Variants in EBF2 observed in about 807,000 individuals in gnomAD.
EBF2 encodes the protein EBF transcription factor 2.
In EBF2, 21 loss-of-function variants were observed where a neutral mutation model predicts 72.8. That is an observed-to-expected ratio of 0.29 (90% CI 0.20 to 0.42). The LOEUF (loss-of-function observed/expected upper bound fraction) is 0.42, where lower values mean the gene tolerates loss of function less well. Among genes scored for constraint, EBF2 ranks in the 10% least tolerant of loss-of-function variants. EBF2 has a pLI of 1.00. For synonymous variants in EBF2, 299 were observed against 274.2 expected (o/e 1.09, Z -0.89); for missense variants, 637 against 731.2 (o/e 0.87, Z 1.49).
At chr8:25,879,714 C>T (rs1357433286) in intron 10 of EBF2, among the ~76,000 whole-genome samples, 1 of 152,184 alleles carries the variant, frequency 6.6e-6, no homozygotes, top group South Asian at 2.1e-4. Flanking sequence ...TTTAATCCTG[C>T]ATGCTGGTGT....
intron 6 of EBF2, among the ~76,000 whole-genome samples, chr8:25,973,106 C>T (rs1194212434): frequency 6.6e-6 from 1 of 151,998 alleles, no homozygotes; most frequent in Non-Finnish European, 1.5e-5. Context: ...CCTGCAGTTT[C>T]CAGGGTATGG....
intron 6 of EBF2, among the ~76,000 whole-genome samples, chr8:26,016,994 G>A (rs1022282735): frequency 1.3e-5 from 2 of 152,070 alleles, no homozygotes; most frequent in Admixed American, 6.6e-5. Context: ...GAGAGAACCA[G>A]ATGTCTAGAA....
In EBF2 at chr8:25,861,179, G is replaced by A. The variant is rs372880085; in HGVS notation, c.1212C>T (p.Ser404=). The A allele has an allele frequency of 8.1e-6, 13 of 1,613,834 alleles. No individual in the cohort carries two copies. The highest frequency in any genetic ancestry group is 1.7e-4 in the Middle Eastern group (1 of 6,058). The change falls in exon 13 of 16, where the codon AGC becomes AGT. Residue 404 remains serine, a synonymous_variant. Coordinates refer to ENST00000520164, the MANE Select transcript of EBF2 (RefSeq NM_022659.4). Reference sequence around the variant, plus strand: ...GAAGCTGGCTGGGATTCCTGGGGACGCTGTAGAGAGCTTCAGCAATGTCTG... The same window carrying A: ...GAAGCTGGCTGGGATTCCTGGGGACACTGTAGAGAGCTTCAGCAATGTCTG... The part of the protein sequence containing the change: ...RAADIAEALY[S]VPRNPSQLPA...
chr8:25,918,221 T>A (rs994424779), intron 6 of EBF2, among the ~76,000 whole-genome samples: 1 of 152,202 alleles, frequency 6.6e-6, no homozygotes, highest in Non-Finnish European at 1.5e-5. Context: ...CAACTATGGG[T>A]TCACTCTCCA....
At chr8:25,955,616 T>C (rs1424553127) in intron 6 of EBF2, among the ~76,000 whole-genome samples, 1 of 152,174 alleles carries the variant, frequency 6.6e-6, no homozygotes, top group African/African-American at 2.4e-5. Context: ...ATATAGCTTA[T>C]TGATGTCTTT....
At chr8:25,891,733 A>G (rs1453845044) in intron 7 of EBF2, among the ~76,000 whole-genome samples, 2 of 152,016 alleles carry the variant, frequency 1.3e-5, no homozygotes, top group Non-Finnish European at 2.9e-5. Context: ...GCCTGCCACC[A>G]TGCTCAGCTA....
intron 6 of EBF2, among the ~76,000 whole-genome samples, chr8:26,030,433 G>T (rs1451180473): frequency 6.6e-6 from 1 of 152,036 alleles, no homozygotes; most frequent in African/African-American, 2.4e-5. Context: ...TGTGGGGTGG[G>T]GGAAGGGGGG....
intron 6 of EBF2, among the ~76,000 whole-genome samples, chr8:25,983,938 C>T (rs1804405170): frequency 6.6e-6 from 1 of 152,222 alleles, no homozygotes. Context: ...ATGACTGCTT[C>T]CCAAAAAATT....
chr8:26,005,173 T>C lies in EBF2; in HGVS notation c.551+27912A>G, dbSNP rs550607022. On this transcript the variant is annotated intron_variant, in intron 6 of 15. Transcript: ENST00000520164. ...AACCTATGGAACACTGCTAAGAAGT[T>C]AGTTAGATATAAAAGAAGAGCTGGG... 3.0e-3 allele frequency among the ~76,000 whole-genome samples: 387 copies of C among 129,952 alleles called. 1 individual carries two copies. Among genetic ancestry groups the C allele is most frequent in the Admixed American group, 5.5e-3 (56 of 10,110 alleles). The allele number at this position is 129,952 out of a possible 152,430, so 85.3% of individuals were successfully genotyped here.
intron 14 of EBF2, among the ~76,000 whole-genome samples, chr8:25,851,725 C>T (rs1399176254): frequency 6.6e-6 from 1 of 152,162 alleles, no homozygotes; most frequent in Non-Finnish European, 1.5e-5. Flanking sequence ...TTGTTGGAGC[C>T]TAATGACCAA....
At chr8:25,951,313 T>C (rs1436088055) in intron 6 of EBF2, among the ~76,000 whole-genome samples, 1 of 152,098 alleles carries the variant, frequency 6.6e-6, no homozygotes, top group Non-Finnish European at 1.5e-5. Context: ...GGAGTGGTTA[T>C]GTGAGCTGGA....
At position 25,843,397 on chromosome 8, in the gene EBF2, CAG is replaced by C. The variant is rs1801771032; in HGVS notation, c.*1210_*1211del. The C allele has an allele frequency of 1.3e-5, 2 of 152,342 alleles. No individual in the cohort carries two copies. Among genetic ancestry groups the C allele is most frequent in the South Asian group, 2.1e-4 (1 of 4,822 alleles). The allele number at this position is 152,342 out of a possible 1,614,324, so 9.4% of individuals were successfully genotyped here. A position where few individuals can be genotyped will look rare whatever the true frequency, so the allele number is the denominator to read the frequency against. On this transcript the variant is annotated 3_prime_UTR_variant, in exon 16 of 16. Coordinates refer to ENST00000520164, the MANE Select transcript of EBF2 (RefSeq NM_022659.4). ...GACTGACTCTAAAGAGTCCATCAAACAGAGTTATCTTCTCCAAACCGTGTTGC... is the reference window on the plus strand; with the variant it reads ...GACTGACTCTAAAGAGTCCATCAAACAGTTATCTTCTCCAAACCGTGTTGC...
At chr8:25,896,370 A>G (rs1461718593) in intron 7 of EBF2, among the ~76,000 whole-genome samples, 2 of 152,212 alleles carry the variant, frequency 1.3e-5, no homozygotes, top group Non-Finnish European at 2.9e-5. Flanking sequence ...CAGTAAAGCT[A>G]TAACACATCG....
At chr8:25,861,265 A>T in intron 12 of EBF2, 39 bp from the exon 13 acceptor site, 1 of 1,613,964 alleles carries the variant, frequency 6.2e-7, no homozygotes, top group Non-Finnish European at 8.5e-7. Context: ...TCTATCCAGC[A>T]TAAAGTGCAA....
At chr8:25,967,075 T>C (rs561785896) in intron 6 of EBF2, among the ~76,000 whole-genome samples, 3 of 152,284 alleles carry the variant, frequency 2.0e-5, no homozygotes, top group Admixed American at 6.5e-5. Flanking sequence ...TCATCAGAGA[T>C]GATGGAATGA....
chr8:26,044,249 C>T lies in EBF2; in HGVS notation c.131+480G>A, dbSNP rs569782962. Among the ~76,000 whole-genome samples, 12 of 152,292 alleles carry T rather than the reference C, an allele frequency of 7.9e-5. No homozygotes were observed. ...CCCCTCGCCGCCGCCACCCTCTGGC[C>T]GCCGGCCTCCCAGGCTCCAGGAATC... On this transcript the variant is annotated intron_variant, in intron 1 of 15. Coordinates refer to ENST00000520164, the MANE Select transcript of EBF2 (RefSeq NM_022659.4). The surrounding 1 kb of genome is among the most constrained non-coding windows in gnomAD (Gnocchi z 4.1).
At chr8:25,970,056 AC>A (rs1199515591) in intron 6 of EBF2, among the ~76,000 whole-genome samples, 1 of 152,188 alleles carries the variant, frequency 6.6e-6, no homozygotes, top group Non-Finnish European at 1.5e-5. Flanking sequence ...GAAGCAAGTG[AC>A]TTGGTTAGGG....
chr8:25,947,733 C>T lies in EBF2; in HGVS notation c.552-39178G>A, dbSNP rs146343525. Among the ~76,000 whole-genome samples the T allele has an allele frequency of 4.6e-5, 7 of 152,306 alleles. No individual in the cohort carries two copies. In the East Asian group the frequency reaches 5.8e-4, roughly 13 times the overall value. On this transcript the variant is annotated intron_variant, in intron 6 of 15. Coordinates refer to ENST00000520164, the MANE Select transcript of EBF2 (RefSeq NM_022659.4). ...ATGCACAAGGAGAATATGTTCCTTC[C>T]CCCTGGGCTGCTGTTCCTTTCTTCC...
intron 1 of EBF2, among the ~76,000 whole-genome samples, chr8:26,042,815 G>C (rs1805627771): frequency 6.6e-6 from 1 of 152,132 alleles, no homozygotes; most frequent in Admixed American, 6.5e-5. Context: ...GAACCCCAAG[G>C]GGCAGGCGGG....
Sources: allele counts gnomAD v4.1 joint callset (sites outside exome capture counted in the v4.1 genomes callset), GRCh38; gene constraint gnomAD v4.1.1; non-coding constraint Gnocchi (gnomAD v3.1); transcripts MANE v1.5; gene names NCBI Gene and HGNC (gene_info 2026-07-23, HGNC 2026-07-21).